The following CDC45 variants were observed in gnomAD, a reference collection of about 807,000 sequenced individuals.
CDC45 encodes the protein cell division cycle 45.
Under a neutral mutation model 77.8 loss-of-function variants are expected in CDC45, and 54 were observed. The ratio of observed to expected loss-of-function variants is 0.69; its 90% CI spans 0.56 to 0.87. The LOEUF is 0.87. Ranked by LOEUF, CDC45 falls within the 40% of genes least tolerant of loss-of-function variation. The pLI is 0.00. For synonymous variants in CDC45, 260 were observed against 272.1 expected, an observed-to-expected ratio of 0.96 and a Z score of 0.44; for missense variants, 649 against 721.6, an observed-to-expected ratio of 0.90 and a Z score of 1.15.
At position 19,516,591 on chromosome 22, in the gene CDC45, G is replaced by T. The variant is rs770793476; in HGVS notation, c.1505G>T (p.Gly502Val). The T allele has an allele frequency of 6.2e-7, 1 of 1,613,970 alleles. No homozygotes were observed. The highest frequency in any genetic ancestry group is 1.3e-5 in the African/African-American group (1 of 74,892). ...GCTGCCCCCCTGAGCATGGAGCATG[G>T]CACAGTGACCGTGGTGGGCATCCCC... ...VMAAPLSMEH[G>V]TVTVVGIPPE... Residue 502 changes from glycine to valine, a missense_variant, in exon 16 of 19, where the codon GGC becomes GTC. Coordinates refer to ENST00000263201, the MANE Select transcript of CDC45 (RefSeq NM_003504.5).
At chr22:19,519,745 C>T (rs1030039664) in intron 18 of CDC45, among the ~76,000 whole-genome samples, 2 of 152,264 alleles carry the variant, frequency 1.3e-5, no homozygotes, top group Admixed American at 6.5e-5. Context: ...AGCACCTGTT[C>T]TCCTGTTGGG....
At chr22:19,505,537 T>C (rs201161642) in intron 10 of CDC45, 56 bp downstream of exon 10, 12 of 1,598,282 alleles carry the variant, frequency 7.5e-6, no homozygotes, top group Middle Eastern at 3.7e-4. Flanking sequence ...CAGCAGGCCT[T>C]GTTTGCTTTG....
At chr22:19,501,445 C>A (rs1406003341) in intron 9 of CDC45, among the ~76,000 whole-genome samples, 1 of 152,196 alleles carries the variant, frequency 6.6e-6, no homozygotes, top group Admixed American at 6.5e-5. Context: ...TTTCTCCATG[C>A]AACTGGCACC....
At chr22:19,513,937 C>T (rs1933646741) in intron 13 of CDC45, among the ~76,000 whole-genome samples, 1 of 152,152 alleles carries the variant, frequency 6.6e-6, no homozygotes, top group Admixed American at 6.6e-5. Flanking sequence ...TGACTCCAGA[C>T]TTGGAGTGGA....
intron 9 of CDC45, among the ~76,000 whole-genome samples, chr22:19,500,027 T>C (rs757054209): frequency 6.6e-6 from 1 of 152,238 alleles, no homozygotes; most frequent in Non-Finnish European, 1.5e-5. Context: ...GTTTCAGGCC[T>C]GGAGCTACGG....
Position 19,483,945 on chromosome 22 carries a change from G to A in CDC45, c.426G>A (p.Glu142=). The A allele has an allele frequency of 6.2e-7, 1 of 1,613,924 alleles. No individual in the cohort carries two copies. The highest frequency in any genetic ancestry group is 8.5e-7 in the Non-Finnish European group (1 of 1,179,962). The part of the protein sequence containing the change: ...DIFRDEEEDE[E]HSGNDSDGSE... Reference sequence around the variant, plus strand: ...TCAGGGATGAAGAGGAGGATGAAGAGCATTCAGGAAATGACAGTGATGGGT... The same window carrying A: ...TCAGGGATGAAGAGGAGGATGAAGAACATTCAGGAAATGACAGTGATGGGT... Residue 142 remains glutamate, a synonymous_variant, in exon 5 of 19, where the codon GAG becomes GAA. Transcript: ENST00000263201.
At chr22:19,516,926 C>A (rs375938643) in intron 17 of CDC45, 33 bp downstream of exon 17, 165 of 1,572,230 alleles carry the variant, frequency 1.0e-4, no homozygotes, top group Non-Finnish European at 1.4e-4. Context: ...CCACACTTTC[C>A]CACCTGACCC....
intron 17 of CDC45, among the ~76,000 whole-genome samples, chr22:19,517,452 A>T (rs1601999264): frequency 6.6e-6 from 1 of 152,256 alleles, no homozygotes. Flanking sequence ...CATGGTTCAC[A>T]TTCGGCTGTG....
Position 19,507,629 on chromosome 22 carries a change from A to C in CDC45, c.956+112A>C. 4 of 1,445,158 alleles carry C rather than the reference A, an allele frequency of 2.8e-6. No homozygotes were observed. In the South Asian group the frequency reaches 4.8e-5, roughly 17 times the overall value. 89.5% of individuals were successfully genotyped at this position (1,445,158 alleles called of 1,614,324 possible). On this transcript the variant is annotated intron_variant, in intron 11 of 18. Coordinates refer to ENST00000263201, the MANE Select transcript of CDC45 (RefSeq NM_003504.5). ...ATAAAATGCAGCCTGTTCTGCCATA[A>C]GCTCCTTGCCCTAGATCCCAGAATA...
At chr22:19,510,052 C>T (rs1450521016) in intron 13 of CDC45, among the ~76,000 whole-genome samples, 3 of 152,170 alleles carry the variant, frequency 2.0e-5, no homozygotes, top group East Asian at 1.9e-4. Flanking sequence ...GCCTTGACCT[C>T]CCAGTCTCAA....
rs1395704923 is a variant in CDC45 at position 19,508,655 on chromosome 22, C to T, written c.1181C>T (p.Thr394Ile). 1 of 1,614,202 alleles carries T rather than the reference C, an allele frequency of 6.2e-7. No individual in the cohort carries two copies. The highest frequency in any genetic ancestry group is 2.2e-5 in the East Asian group (1 of 44,880). ...MESPEKDGSG[T>I]DHFIQALDSL... ...AGCCCCGAGAAGGATGGCTCAGGGA[C>T]AGATCACTTCATCCAGGCTCTGGAC... Residue 394 changes from threonine to isoleucine, a missense_variant, in exon 13 of 19, where the codon ACA (threonine) becomes ATA (isoleucine). Physicochemically the swap from Thr to Ile is moderately conservative, Grantham distance 89 (BLOSUM62 -1). Transcript: ENST00000263201.
chr22:19,507,731 A>T (rs748291344), intron 11 of CDC45, 35 bp from the exon 12 acceptor site: 2 of 1,501,984 alleles, frequency 1.3e-6, no homozygotes, highest in East Asian at 4.5e-5. Flanking sequence ...GTGTGTGGTG[A>T]CCTCACTCAT....
chr22:19,506,650 G>A (rs1202829064), intron 10 of CDC45, among the ~76,000 whole-genome samples: 1 of 152,192 alleles, frequency 6.6e-6, no homozygotes, highest in Non-Finnish European at 1.5e-5. Context: ...AAAGGGCTGA[G>A]GAGGTCGGGC....
chr22:19,482,667 T>C (rs375406701), intron 3 of CDC45, 23 bp from the exon 4 acceptor site: 22 of 1,611,054 alleles, frequency 1.4e-5, no homozygotes, highest in Non-Finnish European at 1.7e-5. Flanking sequence ...ATAGCTACTT[T>C]ACAATATCTT....
chr22:19,518,776 G>A, intron 17 of CDC45, 68 bp from the exon 18 acceptor site: 1 of 1,270,640 alleles, frequency 7.9e-7, no homozygotes, highest in East Asian at 2.3e-5. Flanking sequence ...CAGCGGAGGG[G>A]AGTTCTGTGC....
At position 19,481,014 on chromosome 22, in the gene CDC45, T is replaced by C; in HGVS notation, c.173T>C (p.Leu58Pro). The change falls in exon 3 of 19, where the codon CTT becomes CCT. Residue 58 changes from leucine to proline, a missense_variant. Leu to Pro is a moderately conservative substitution (Grantham distance 98). Coordinates refer to ENST00000263201, the MANE Select transcript of CDC45 (RefSeq NM_003504.5). ...GTTCCAGTTTCTGGGTGGCAAGAAC[T>C]TGAAACTGCATTTCTTGAGCATAAA... ...TLVPVSGWQELETAFLEHKEQ... is the reference protein window; with the variant it reads ...TLVPVSGWQEPETAFLEHKEQ... The C allele has an allele frequency of 1.2e-6, 2 of 1,613,686 alleles. No homozygotes were observed. The highest frequency in any genetic ancestry group is 1.7e-6 in the Non-Finnish European group (2 of 1,179,582).
In CDC45 at chr22:19,492,784, C is replaced by A. The variant is rs188290189; in HGVS notation, c.487-1543C>A. Reference sequence around the variant, plus strand: ...CTCAAGCAAGGAGAGTGAGTGATGCCAGGTAGAGGTAAAAGATCAGGTTCC... The same window carrying A: ...CTCAAGCAAGGAGAGTGAGTGATGCAAGGTAGAGGTAAAAGATCAGGTTCC... On this transcript the variant is annotated intron_variant, in intron 5 of 18. Transcript: ENST00000263201. Among the ~76,000 whole-genome samples the A allele has an allele frequency of 3.3e-5, 5 of 152,152 alleles. No individual in the cohort carries two copies. The East Asian group carries it at 9.7e-4, about 29-fold the overall frequency.
At chr22:19,517,522 C>G in intron 17 of CDC45, among the ~76,000 whole-genome samples, 1 of 152,146 alleles carries the variant, frequency 6.6e-6, no homozygotes, top group East Asian at 1.9e-4. Flanking sequence ...GATATTTCAC[C>G]CCGGGTTAGT....
At chr22:19,507,226 TAAG>T (rs1933241483) in intron 10 of CDC45, among the ~76,000 whole-genome samples, 157 bp from the exon 11 acceptor site, 1 of 152,210 alleles carries the variant, frequency 6.6e-6, no homozygotes, top group Non-Finnish European at 1.5e-5. Flanking sequence ...CAGCTTAAGC[TAAG>T]AAGGTCAAAG....
Sources: allele counts gnomAD v4.1 joint callset (sites outside exome capture counted in the v4.1 genomes callset), GRCh38; gene constraint gnomAD v4.1.1; transcripts MANE v1.5; gene names NCBI Gene and HGNC (gene_info 2026-07-23, HGNC 2026-07-21).